Variants in CSMD3 observed in about 807,000 individuals in gnomAD.
CSMD3 encodes CUB and Sushi multiple domains 3.
A neutral mutation model predicts 435.2 loss-of-function variants in CSMD3; 177 were observed. That is an observed-to-expected ratio of 0.41 (90% CI 0.36 to 0.46). CSMD3 has a LOEUF of 0.46. CSMD3 is among the 20% of genes least tolerant of loss of function. CSMD3 has a pLI of 0.34. For synonymous variants in CSMD3, 1,656 were observed against 1,520.5 expected, an observed-to-expected ratio of 1.09 and a Z score of -2.07; for missense variants, 4,265 against 4,504.6, an observed-to-expected ratio of 0.95 and a Z score of 1.52.
At chr8:113,046,555 A>T (rs2087843361) in intron 5 of CSMD3, among the ~76,000 whole-genome samples, 1 of 152,132 alleles carries the variant, frequency 6.6e-6, no homozygotes, top group African/African-American at 2.4e-5. Context: ...TGCAGCGTCG[A>T]TTGGCTGCCC....
At chr8:113,141,840 T>C (rs1210031298) in intron 4 of CSMD3, among the ~76,000 whole-genome samples, 1 of 150,998 alleles carries the variant, frequency 6.6e-6, no homozygotes, top group East Asian at 1.9e-4. Flanking sequence ...CACAAAGGAT[T>C]AAAAATAACA....
At position 112,552,582 on chromosome 8, in the gene CSMD3, A is replaced by G. The variant is rs1338660172; in HGVS notation, c.4361+12T>C. On this transcript the variant is annotated intron_variant, in intron 26 of 70. Transcript: ENST00000297405. Reference sequence around the variant, plus strand: ...ATTCCCTAGTAATGTTGAGAAAATGAAATTCATTTACCTGACAATATTTCC... The same window carrying G: ...ATTCCCTAGTAATGTTGAGAAAATGGAATTCATTTACCTGACAATATTTCC... 6.2e-7 allele frequency: 1 copy of G among 1,610,548 alleles called. No homozygotes were observed. Among genetic ancestry groups the G allele is most frequent in the Non-Finnish European group, 8.5e-7 (1 of 1,177,872 alleles).
At chr8:113,108,376 C>G (rs2090543023) in intron 4 of CSMD3, among the ~76,000 whole-genome samples, 2 of 149,424 alleles carry the variant, frequency 1.3e-5, no homozygotes, top group Non-Finnish European at 2.9e-5. Flanking sequence ...TGCAATGAAT[C>G]GAGATTGCGC....
At chr8:112,560,901 T>C (rs1396995502) in intron 24 of CSMD3, among the ~76,000 whole-genome samples, 3 of 151,734 alleles carry the variant, frequency 2.0e-5, no homozygotes, top group Admixed American at 6.6e-5. Flanking sequence ...ATATCATTTC[T>C]CAAAATAAAA....
At chr8:113,409,082 T>C (rs866976537) in intron 1 of CSMD3, among the ~76,000 whole-genome samples, 51 of 135,624 alleles carry the variant, frequency 3.8e-4, no homozygotes, top group African/African-American at 7.9e-4. Flanking sequence ...TCTTCTTCTT[T>C]TTTTTTTTTT....
chr8:112,778,855 T>A (rs1481696711), intron 13 of CSMD3, among the ~76,000 whole-genome samples: 1 of 151,996 alleles, frequency 6.6e-6, no homozygotes, highest in Non-Finnish European at 1.5e-5. Context: ...TTGCCATCAG[T>A]GTCCTGGATC....
rs577468604 is a variant in CSMD3, at chr8:113,264,598, A to C, written c.514+13994T>G. Among the ~76,000 whole-genome samples, 9 of 151,606 alleles carry C rather than the reference A, an allele frequency of 5.9e-5. No homozygotes were observed. The South Asian group carries it at 1.9e-3, about 31-fold the overall frequency. On this transcript the variant is annotated intron_variant, in intron 3 of 70. Transcript: ENST00000297405. The stretch of plus-strand genomic sequence containing the variant: ...CAGCTTGTTTTTCTTTTTGTGCTAC[A>C]TAAGCAATTCTGTATTTTTGAAATG...
At chr8:112,572,659 T>G (rs1028574140) in intron 24 of CSMD3, among the ~76,000 whole-genome samples, 12 of 152,202 alleles carry the variant, frequency 7.9e-5, no homozygotes, top group South Asian at 2.1e-4. Context: ...CTACTTATTT[T>G]ACTATACAAC....
At chr8:113,151,018 G>T (rs997617133) in intron 4 of CSMD3, among the ~76,000 whole-genome samples, 2 of 151,822 alleles carry the variant, frequency 1.3e-5, no homozygotes, top group African/African-American at 4.8e-5. Flanking sequence ...AAAATTAAAA[G>T]ATATCTTTTG....
At chr8:112,991,595 A>G (rs2085458542) in intron 6 of CSMD3, among the ~76,000 whole-genome samples, 1 of 151,888 alleles carries the variant, frequency 6.6e-6, no homozygotes, top group Non-Finnish European at 1.5e-5. Flanking sequence ...AATTTAATTA[A>G]AATGAAATTC....
At chr8:112,879,615 C>T (rs535886312) in intron 10 of CSMD3, among the ~76,000 whole-genome samples, 10 of 152,140 alleles carry the variant, frequency 6.6e-5, no homozygotes, top group African/African-American at 1.7e-4. Flanking sequence ...GGGGGCATCA[C>T]GGAACCTGCC....
intron 1 of CSMD3, among the ~76,000 whole-genome samples, chr8:113,367,826 G>T (rs529564901): frequency 6.6e-6 from 1 of 151,954 alleles, no homozygotes; most frequent in Admixed American, 6.6e-5. Flanking sequence ...GACTTCCCTG[G>T]CCCACCACCT....
intron 9 of CSMD3, among the ~76,000 whole-genome samples, chr8:112,938,316 C>G (rs139188263): frequency 3.9e-5 from 6 of 152,164 alleles, no homozygotes; most frequent in African/African-American, 7.2e-5. Flanking sequence ...CTTTATTCTT[C>G]CAACATACCA....
chr8:113,214,550 A>G (rs879620150), intron 3 of CSMD3, among the ~76,000 whole-genome samples: 6 of 151,942 alleles, frequency 3.9e-5, no homozygotes, highest in Non-Finnish European at 8.8e-5. Context: ...TCCAATCAAG[A>G]AAACAGTTCT....
In CSMD3 at chr8:112,410,652, G is replaced by GTATA. The variant is rs765482386; in HGVS notation, c.5396-1624_5396-1621dup. On this transcript the variant is annotated intron_variant, in intron 32 of 70. Coordinates refer to ENST00000297405, the MANE Select transcript of CSMD3 (RefSeq NM_198123.2). Reference sequence around the variant, plus strand: ...TGTATATATATGTATATATATATGTGTATATATATGTATATATATATGTGT... The same window carrying GTATA: ...TGTATATATATGTATATATATATGTGTATATATATATATGTATATATATATGTGT... Among the ~76,000 whole-genome samples the GTATA allele has an allele frequency of 1.5e-3, 54 of 36,602 alleles. 3 individuals are homozygous for GTATA. Among genetic ancestry groups the GTATA allele is most frequent in the African/African-American group, 3.7e-3 (31 of 8,370 alleles). The allele number at this position is 36,602 out of a possible 152,430, so 24.0% of individuals were successfully genotyped here.
intron 10 of CSMD3, among the ~76,000 whole-genome samples, chr8:112,865,172 G>A (rs577369304): frequency 6.6e-6 from 1 of 152,316 alleles, no homozygotes; most frequent in South Asian, 2.1e-4. Flanking sequence ...ATAATGTTAA[G>A]TACAGTGAAA....
chr8:113,309,541 C>T (rs1315019436), intron 2 of CSMD3: 2 of 152,160 alleles, frequency 1.3e-5, no homozygotes. Flanking sequence ...AACACTTACA[C>T]TTACATTTGA....
At chr8:112,947,572 A>G (rs2083655578) in intron 9 of CSMD3, among the ~76,000 whole-genome samples, 1 of 151,744 alleles carries the variant, frequency 6.6e-6, no homozygotes. Context: ...ATGATGAGAA[A>G]TTAATCATTT....
intron 19 of CSMD3, 54 bp from the exon 20 acceptor site, chr8:112,645,279 G>A (rs1355301059): frequency 4.2e-6 from 4 of 955,774 alleles, no homozygotes; most frequent in African/African-American, 3.2e-5. Context: ...GACAGAGGGT[G>A]AACAAATCTC....
Sources: allele counts gnomAD v4.1 joint callset (sites outside exome capture counted in the v4.1 genomes callset), GRCh38; gene constraint gnomAD v4.1.1; transcripts MANE v1.5; gene names NCBI Gene and HGNC (gene_info 2026-07-23, HGNC 2026-07-21).